Variants in WWP2 observed in about 807,000 individuals in gnomAD.
The protein encoded by WWP2 is WW domain containing E3 ubiquitin protein ligase 2, also known as NEDD4-like E3 ubiquitin-protein ligase WWP2.
In WWP2, 57 loss-of-function variants were observed where a neutral mutation model predicts 121.0. That is an observed-to-expected ratio of 0.47 (90% confidence interval 0.38 to 0.59). The LOEUF is 0.59. Ranked by LOEUF, WWP2 falls within the 20% of genes least tolerant of loss-of-function variation. The probability of loss-of-function intolerance (pLI) is 0.00; values close to 1 mark genes in which losing one functional copy is unlikely to be tolerated. For missense variants in WWP2, 962 were observed against 1,158.9 expected, an observed-to-expected ratio of 0.83 and a Z score of 2.47; for synonymous variants, 449 against 441.3, an observed-to-expected ratio of 1.02 and a Z score of -0.22.
Position 69,930,251 on chromosome 16 carries a change from G to T in WWP2, c.1438G>T (p.Glu480Ter). 1 of 1,613,934 alleles carries T rather than the reference G, an allele frequency of 6.2e-7. No homozygotes were observed. Among genetic ancestry groups the T allele is most frequent in the South Asian group, 1.1e-5 (1 of 91,016 alleles). Residue 480 changes from glutamate to a stop codon, truncating the protein, a stop_gained, in exon 13 of 24, where the codon GAG (glutamate) becomes TAG (stop). Transcript: ENST00000359154. LOFTEE classifies it high-confidence loss of function. ...TTFKDPRPGF[E>*]SGTKQGSPGA... ...CTTTAAGGATCCTCGCCCGGGGTTT[G>T]AGTCGGGGTAAGGACTTTGTGCAGG...
chr16:69,936,506 G>A (rs112790916), intron 19 of WWP2, 54 bp downstream of exon 19: 29 of 1,606,672 alleles, frequency 1.8e-5, no homozygotes, highest in African/African-American at 2.7e-5. Flanking sequence ...AGATCTAGTG[G>A]GTTGCAGAGA....
chr16:69,840,882 G>A (rs184200546), intron 5 of WWP2, among the ~76,000 whole-genome samples: 1 of 152,254 alleles, frequency 6.6e-6, no homozygotes, highest in Admixed American at 6.5e-5. Flanking sequence ...TGTAACCATG[G>A]CACTTTCCAG....
chr16:69,896,279 C>T (rs2058102904), intron 8 of WWP2, among the ~76,000 whole-genome samples: 1 of 152,076 alleles, frequency 6.6e-6, no homozygotes, highest in Non-Finnish European at 1.5e-5. Flanking sequence ...CCACCATGCT[C>T]AGCTAATTTT....
chr16:69,914,187 C>G (rs144330002), intron 9 of WWP2, among the ~76,000 whole-genome samples: 1 of 149,814 alleles, frequency 6.7e-6, no homozygotes, highest in South Asian at 2.1e-4. Flanking sequence ...CAAGAACTTG[C>G]GGAATAGCAG....
At chr16:69,826,694 A>T (rs887067208) in intron 4 of WWP2, among the ~76,000 whole-genome samples, 61 of 149,192 alleles carry the variant, frequency 4.1e-4, no homozygotes, top group African/African-American at 1.5e-3. Flanking sequence ...CCTGGCTAAC[A>T]TGGTGAAACC....
chr16:69,931,336 C>G, intron 14 of WWP2, 109 bp downstream of exon 14: 1 of 1,497,062 alleles, frequency 6.7e-7, no homozygotes, highest in Non-Finnish European at 9.2e-7. Flanking sequence ...TAGGCGGGCG[C>G]AAGACACTTG....
intron 2 of WWP2, among the ~76,000 whole-genome samples, chr16:69,795,194 C>G (rs1310828082): frequency 2.6e-5 from 4 of 151,990 alleles, no homozygotes; most frequent in Non-Finnish European, 4.4e-5. Context: ...CGTGATCGTG[C>G]CACTGCACTC....
chr16:69,820,173 C>T (rs1258300312), intron 4 of WWP2, among the ~76,000 whole-genome samples: 1 of 152,152 alleles, frequency 6.6e-6, no homozygotes, highest in Non-Finnish European at 1.5e-5. Context: ...GTCGAGGATG[C>T]AGTGAACTGT....
At chr16:69,841,902 A>G (rs2151873898) in intron 5 of WWP2, 122 bp from the exon 6 acceptor site, 3 of 892,124 alleles carry the variant, frequency 3.4e-6, no homozygotes, top group South Asian at 3.2e-5. Flanking sequence ...CCGGATGTCC[A>G]TATCCCGTGG....
At chr16:69,893,989 C>A (rs1034720181) in intron 8 of WWP2, among the ~76,000 whole-genome samples, 4 of 152,180 alleles carry the variant, frequency 2.6e-5, no homozygotes, top group Non-Finnish European at 5.9e-5. Context: ...CTAACTTTAT[C>A]TTCTCAACTC....
chr16:69,842,869 A>C (rs61090597), intron 6 of WWP2, among the ~76,000 whole-genome samples: 21,990 of 152,004 alleles, frequency 0.14, 1,849 homozygotes, highest in East Asian at 0.39. Context: ...GGGTTTTACC[A>C]TGTTGCCCAG....
chr16:69,786,981 CTGTT>C lies in WWP2; in HGVS notation c.-15-11_-15-8del. The C allele has an allele frequency of 6.3e-7, 1 of 1,588,584 alleles. No homozygotes were observed. The highest frequency in any genetic ancestry group is 1.7e-4 in the Middle Eastern group (1 of 5,930). On this transcript the variant is annotated splice_polypyrimidine_tract_variant and intron_variant, in intron 1 of 23. Transcript: ENST00000359154. ...TCAGATATTCTCTGAATTCTTTTTT[CTGTT>C]TGTCTTACAGCTTCACGGTGATGAT...
chr16:69,937,365 G>T lies in WWP2; in HGVS notation c.2238+127G>T. ...CCACTTCGGCAGGGCAGATGGGTTT[G>T]ATTTGGGACCCACCCTTCCCCAGAC... is the stretch of plus-strand genomic sequence containing the variant. On this transcript the variant is annotated intron_variant, in intron 20 of 23. Transcript: ENST00000359154. This position sits in a 1 kb window ranked among gnomAD's most constrained non-coding sequence, Gnocchi z 6.6. 6.7e-7 allele frequency: 1 copy of T among 1,481,558 alleles called. No homozygotes were observed. The allele number at this position is 1,481,558 out of a possible 1,614,324, so 91.8% of individuals were successfully genotyped here.
At chr16:69,909,635 A>C in intron 9 of WWP2, 2 of 985,380 alleles carry the variant, frequency 2.0e-6, no homozygotes, top group Non-Finnish European at 2.4e-6. Flanking sequence ...CATCATCAGT[A>C]CTCACTGTGT....
Position 69,935,852 on chromosome 16 carries a change from G to A in WWP2, c.1843-1G>A. 1.2e-6 allele frequency: 2 copies of A among 1,611,718 alleles called. No homozygotes were observed. Among genetic ancestry groups the A allele is most frequent in the Non-Finnish European group, 1.7e-6 (2 of 1,178,892 alleles). On this transcript the variant is annotated splice_acceptor_variant, in intron 17 of 23. Coordinates refer to ENST00000359154, the MANE Select transcript of WWP2 (RefSeq NM_001270454.2). LOFTEE classifies it high-confidence loss of function. This position sits in a 1 kb window ranked among gnomAD's most constrained non-coding sequence, Gnocchi z 5.2. ...TCTGTGCTGTGCCTCTTCCTTCCCAGGCGCTGTACCATGGAAAGTTCATCG... is the reference window on the plus strand; with the variant it reads ...TCTGTGCTGTGCCTCTTCCTTCCCAAGCGCTGTACCATGGAAAGTTCATCG...
chr16:69,938,925 C>G, intron 21 of WWP2, 102 bp from the exon 22 acceptor site: 3 of 1,032,304 alleles, frequency 2.9e-6, no homozygotes, highest in Admixed American at 2.2e-5. Context: ...TTTGTGTTCT[C>G]AGCCCCAAAG....
Position 69,937,742 on chromosome 16 carries a change from C to G in WWP2, c.2343+90C>G. 7.8e-7 allele frequency: 1 copy of G among 1,275,934 alleles called. No individual in the cohort carries two copies. Among genetic ancestry groups the G allele is most frequent in the Non-Finnish European group, 1.1e-6 (1 of 899,356 alleles). 79.0% of individuals were successfully genotyped at this position (1,275,934 alleles called of 1,614,324 possible). On this transcript the variant is annotated intron_variant, in intron 21 of 23. Coordinates refer to ENST00000359154, the MANE Select transcript of WWP2 (RefSeq NM_001270454.2). This position sits in a 1 kb window ranked among gnomAD's most constrained non-coding sequence, Gnocchi z 6.6. The stretch of plus-strand genomic sequence containing the variant: ...AGGAGGCCTCACGCGCAAGGACCTT[C>G]AGCTTTGGCCCTGTCCTTGCCTCCC...
intron 23 of WWP2, 118 bp from the exon 24 acceptor site, chr16:69,939,723 C>A: frequency 2.2e-6 from 2 of 918,842 alleles, no homozygotes; most frequent in Non-Finnish European, 3.3e-6. Context: ...TGACTGGCAG[C>A]CCCTGAGCCC....
In WWP2 at chr16:69,798,763, G is replaced by C. The variant is rs764855295; in HGVS notation, c.152G>C (p.Ser51Thr). 5 of 1,613,948 alleles carry C rather than the reference G, an allele frequency of 3.1e-6. No individual in the cohort carries two copies. The highest frequency in any genetic ancestry group is 1.1e-5 in the South Asian group (1 of 91,078). ...GAGGTGGCGGTGGATGGACTCCCCA[G>C]TGAGACCAAGAAGACTGGGAAGCGC... ...YVEVAVDGLP[S>T]ETKKTGKRIG... Residue 51 changes from serine (S) to threonine (T), a missense_variant, in exon 3 of 24, where the codon AGT (serine) becomes ACT (threonine). Ser to Thr is a moderately conservative substitution (Grantham distance 58). This residue lies in a region of WWP2 where 145 missense variants were observed against 189.8 expected (regional missense o/e 0.76). Coordinates refer to ENST00000359154, the MANE Select transcript of WWP2 (RefSeq NM_001270454.2).
Sources: gnomAD v4.1 joint callset for allele counts (sites outside exome capture counted in the v4.1 genomes callset) on GRCh38, gnomAD v4.1.1 for gene constraint, gnomAD v4.1.1 regional missense constraint, Gnocchi (gnomAD v3.1) non-coding constraint, MANE v1.5 for transcripts, NCBI Gene and HGNC (gene_info 2026-07-23, HGNC 2026-07-21) for gene names.